Variants in HIVEP1 observed in about 807,000 individuals in gnomAD.
The protein encoded by HIVEP1 is HIVEP zinc finger 1, also known as zinc finger protein 40.
In HIVEP1, 36 loss-of-function variants were observed where a neutral mutation model predicts 180.0. The ratio of observed to expected loss-of-function variants is 0.20; its 90% confidence interval spans 0.15 to 0.26. The LOEUF (loss-of-function observed/expected upper bound fraction) is 0.26, where lower values mean the gene tolerates loss of function less well. Ranked by LOEUF, HIVEP1 falls within the 10% of genes least tolerant of loss-of-function variation. The probability of loss-of-function intolerance (pLI) is 1.00; values close to 1 mark genes in which losing one functional copy is unlikely to be tolerated. For synonymous variants in HIVEP1, 1,239 were observed against 1,239.0 expected (o/e 1.00, Z 0.00); for missense variants, 3,143 against 3,268.7 (o/e 0.96, Z 0.94).
chr6:12,017,115 T>G (rs983522132), intron 2 of HIVEP1, among the ~76,000 whole-genome samples: 1 of 152,244 alleles, frequency 6.6e-6, no homozygotes, highest in African/African-American at 2.4e-5. Flanking sequence ...AAATATATGT[T>G]CATAACATTC....
intron 7 of HIVEP1, among the ~76,000 whole-genome samples, chr6:12,151,493 A>G (rs1052302862): frequency 3.3e-5 from 5 of 152,174 alleles, no homozygotes; most frequent in African/African-American, 1.2e-4. Context: ...TTATTGGCAT[A>G]ATGACAGGGC....
At position 12,124,775 on chromosome 6, in the gene HIVEP1, G is replaced by C. The variant is rs1389480198; in HGVS notation, c.4980G>C (p.Val1660=). ...TCACATCCCTGCCACAAATACTAGT[G>C]ACCCAAGATCTGCCCAATCAGCCAA... ...ATLTSLPQIL[V]TQDLPNQPIC... The change falls in exon 4 of 9, where the codon GTG becomes GTC. Residue 1660 remains valine (V), a synonymous_variant. Transcript: ENST00000379388. The C allele has an allele frequency of 4.3e-6, 7 of 1,614,110 alleles. 1 individual carries two copies. In the South Asian group the frequency reaches 7.7e-5, roughly 18 times the overall value.
chr6:12,068,184 G>A (rs7750410), intron 2 of HIVEP1, among the ~76,000 whole-genome samples: 4,394 of 152,108 alleles, frequency 0.029, 228 homozygotes, highest in African/African-American at 0.1. Flanking sequence ...TCCGCCTCCT[G>A]GGTTCAAGTG....
chr6:12,122,367 C>T lies in HIVEP1; in HGVS notation c.2572C>T (p.Pro858Ser). 1 of 1,614,222 alleles carries T rather than the reference C, an allele frequency of 6.2e-7. No homozygotes were observed. Among genetic ancestry groups the T allele is most frequent in the Non-Finnish European group, 8.5e-7 (1 of 1,180,020 alleles). The change falls in exon 4 of 9, where the codon CCT becomes TCT. Residue 858 changes from proline (P) to serine (S), a missense_variant. Around this residue, in one of 12 missense-constraint regions of HIVEP1, gnomAD observed 204 missense variants for 243.7 expected, o/e 0.84. Transcript: ENST00000379388. The stretch of plus-strand genomic sequence containing the variant: ...AGTACCTGCAAATATAATACCTCCT[C>T]CTCATCCACTAAGAGGAAGTCAGTC... Reference protein sequence around the residue: ...SAVPANIIPPPHPLRGSQSFD... With the variant: ...SAVPANIIPPSHPLRGSQSFD...
At chr6:12,114,025 C>T (rs1197017182) in intron 3 of HIVEP1, among the ~76,000 whole-genome samples, 2 of 152,130 alleles carry the variant, frequency 1.3e-5, no homozygotes, top group African/African-American at 4.8e-5. Context: ...TGCCAACTTT[C>T]ACTACCTGTT....
At chr6:12,196,352 T>A in the HIVEP1 span, among the ~76,000 whole-genome samples, 2 of 152,198 alleles carry the variant, frequency 1.3e-5, no homozygotes, top group Non-Finnish European at 2.9e-5. Context: ...AATTTGTATA[T>A]ATACATTATA....
intron 7 of HIVEP1, among the ~76,000 whole-genome samples, chr6:12,143,418 C>T (rs1581775265): frequency 6.6e-6 from 1 of 152,196 alleles, no homozygotes; most frequent in African/African-American, 2.4e-5. Flanking sequence ...GACAAACCCA[C>T]AACCAATATC....
In HIVEP1 at chr6:12,163,474, G is replaced by C; in HGVS notation, c.7170G>C (p.Gln2390His). ...GCCACCTTCCTTTGCATTCCCAGCAGCAATCGAGGACACCTTATAATATGG... is the reference window on the plus strand; with the variant it reads ...GCCACCTTCCTTTGCATTCCCAGCACCAATCGAGGACACCTTATAATATGG... ...LFSHLPLHSQ[Q>H]QSRTPYNMVP... is the part of the protein sequence containing the mutation. Residue 2390 changes from glutamine (Q) to histidine (H), a missense_variant, in exon 9 of 9, where the codon CAG becomes CAC. By Grantham distance (24) the Gln-to-His change is conservative. Around this residue, in one of 12 missense-constraint regions of HIVEP1, gnomAD observed 595 missense variants for 602.2 expected, o/e 0.99. Transcript: ENST00000379388. The C allele has an allele frequency of 6.2e-7, 1 of 1,614,138 alleles. No homozygotes were observed. The highest frequency in any genetic ancestry group is 8.5e-7 in the Non-Finnish European group (1 of 1,180,020).
the HIVEP1 span, among the ~76,000 whole-genome samples, chr6:12,189,576 G>A: frequency 6.6e-6 from 1 of 152,110 alleles, no homozygotes; most frequent in Admixed American, 6.5e-5. Context: ...TTTCTGTACA[G>A]TATCCATTTT....
At chr6:12,211,175 G>A in the HIVEP1 span, among the ~76,000 whole-genome samples, 3 of 143,618 alleles carry the variant, frequency 2.1e-5, no homozygotes, top group African/African-American at 2.7e-5. Flanking sequence ...TGAGGCGGGC[G>A]GATCACGAGG....
At chr6:12,055,828 A>C (rs1264612987) in intron 2 of HIVEP1, among the ~76,000 whole-genome samples, 1 of 152,238 alleles carries the variant, frequency 6.6e-6, no homozygotes, top group Non-Finnish European at 1.5e-5. Context: ...TGATGGAGAT[A>C]AACGTGCTTG....
downstream of HIVEP1, chr6:12,165,078 C>A: frequency 6.0e-6 from 3 of 498,566 alleles, no homozygotes; most frequent in South Asian, 4.4e-5. Flanking sequence ...GGGTTCCATT[C>A]TTTCCACATT....
In HIVEP1 at chr6:12,124,383, T is replaced by C. The variant is rs1757915492; in HGVS notation, c.4588T>C (p.Ser1530Pro). 6.2e-7 allele frequency: 1 copy of C among 1,614,114 alleles called. No homozygotes were observed. The highest frequency in any genetic ancestry group is 8.5e-7 in the Non-Finnish European group (1 of 1,180,004). Residue 1530 changes from serine (S) to proline (P), a missense_variant, in exon 4 of 9, where the codon TCT becomes CCT. Transcript: ENST00000379388. ...APPSHQSTQL[S>P]LQVSTQGSKP... Reference sequence around the variant, plus strand: ...GCCTAGCCACCAGAGCACACAGCTATCTCTGCAAGTGTCTACGCAGGGTAG... The same window carrying C: ...GCCTAGCCACCAGAGCACACAGCTACCTCTGCAAGTGTCTACGCAGGGTAG...
chr6:12,053,415 T>C (rs1238553032), intron 2 of HIVEP1, among the ~76,000 whole-genome samples: 1 of 152,104 alleles, frequency 6.6e-6, no homozygotes, highest in Non-Finnish European at 1.5e-5. Context: ...AGAAGCAGTA[T>C]AGAAATGTAT....
chr6:12,060,925 T>G (rs1771187907), intron 2 of HIVEP1, among the ~76,000 whole-genome samples: 1 of 152,164 alleles, frequency 6.6e-6, no homozygotes, highest in Non-Finnish European at 1.5e-5. Flanking sequence ...TTCATTTGCG[T>G]AAGAGATGGA....
chr6:12,115,770 C>T (rs888645548), intron 3 of HIVEP1, among the ~76,000 whole-genome samples: 1 of 151,916 alleles, frequency 6.6e-6, no homozygotes, highest in African/African-American at 2.4e-5. Context: ...ATGGTAAAAA[C>T]AAACATGCAA....
rs1769241746 is a variant in HIVEP1, at chr6:12,035,807, G to A, written c.40+20139G>A. Among the ~76,000 whole-genome samples the A allele has an allele frequency of 9.2e-5, 14 of 152,240 alleles. No individual in the cohort carries two copies. The South Asian group carries it at 2.9e-3, about 32-fold the overall frequency. ...AGTAGGAAATATAGAAAAACATTGAGATTTCATTCTAGGGCTTAGAGAATT... is the reference window on the plus strand; with the variant it reads ...AGTAGGAAATATAGAAAAACATTGAAATTTCATTCTAGGGCTTAGAGAATT... On this transcript the variant is annotated intron_variant, in intron 2 of 8. Transcript: ENST00000379388.
intron 8 of HIVEP1, 90 bp downstream of exon 8, chr6:12,162,019 T>G: frequency 8.1e-7 from 1 of 1,238,816 alleles, no homozygotes; most frequent in Non-Finnish European, 1.1e-6. Context: ...ATAATGCACT[T>G]AAGTGATTTT....
chr6:12,154,697 T>C (rs535433249), intron 7 of HIVEP1, among the ~76,000 whole-genome samples: 3 of 152,240 alleles, frequency 2.0e-5, no homozygotes, highest in Admixed American at 6.5e-5. Context: ...CATACGGGGC[T>C]TGAAACCTAG....
Sources: gnomAD v4.1 joint callset for allele counts (sites outside exome capture counted in the v4.1 genomes callset) on GRCh38, gnomAD v4.1.1 for gene constraint, gnomAD v4.1.1 regional missense constraint, MANE v1.5 for transcripts, NCBI Gene and HGNC (gene_info 2026-07-23, HGNC 2026-07-21) for gene names.